Variants in ZDHHC1 observed in about 807,000 individuals in gnomAD.
The protein encoded by ZDHHC1 is palmitoyltransferase ZDHHC1.
Under a neutral mutation model 46.9 loss-of-function variants are expected in ZDHHC1, and 45 were observed. The ratio of observed to expected loss-of-function variants is 0.96; its 90% CI spans 0.76 to 1.23. ZDHHC1 has a LOEUF of 1.23. Among genes scored for constraint, ZDHHC1 ranks in the 50% most tolerant of loss-of-function variants. The pLI, the probability that ZDHHC1 is intolerant of heterozygous loss-of-function variation, is 0.00. For synonymous variants in ZDHHC1, 291 were observed against 286.0 expected (o/e 1.02, Z -0.18); for missense variants, 649 against 670.8 (o/e 0.97, Z 0.36).
At chr16:67,399,551 C>A in intron 4 of ZDHHC1, 95 bp from the exon 5 acceptor site, 2 of 1,032,156 alleles carry the variant, frequency 1.9e-6, no homozygotes, top group South Asian at 1.6e-5. Flanking sequence ...GTGGAGGGAC[C>A]AAGCGCCAGG....
chr16:67,412,831 A>G (rs550103672), intron 1 of ZDHHC1, among the ~76,000 whole-genome samples: 28 of 148,910 alleles, frequency 1.9e-4, no homozygotes, highest in African/African-American at 6.7e-4. Context: ...ACGGAGTTTC[A>G]CTCTTGTTGC....
intron 1 of ZDHHC1, among the ~76,000 whole-genome samples, chr16:67,412,389 C>T (rs1469931246): frequency 6.6e-6 from 1 of 152,142 alleles, no homozygotes; most frequent in East Asian, 1.9e-4. Flanking sequence ...TCCTGCCTTC[C>T]TGGCCCCACT....
chr16:67,398,937 G>C lies in ZDHHC1; in HGVS notation c.538C>G (p.Leu180Val). The change falls in exon 6 of 12, where the codon CTA becomes GTA. Residue 180 changes from leucine to valine, a missense_variant. Coordinates refer to ENST00000565726, the MANE Select transcript of ZDHHC1 (RefSeq NM_001323627.2). ...AGTAAAGCGGATGCAACACTGTGTA[G>C]AAAGAGCCTGGGCCCAGCCATGGGT... ...CVGERNYRLF[L>V]HSVASALLGV... is the part of the protein sequence containing the mutation. 6.2e-7 allele frequency: 1 copy of C among 1,612,806 alleles called. No homozygotes were observed. The highest frequency in any genetic ancestry group is 8.5e-7 in the Non-Finnish European group (1 of 1,179,564).
rs571642362 is a variant in ZDHHC1 at position 67,401,123 on chromosome 16, C to T, written c.262G>A (p.Ala88Thr). ...WVPAGYACMG[A>T]IFAGHLVVHL... ...ACCACAAGGTGGCCAGCAAAGATGG[C>T]GCCCATGCACTGGCCCAGCAGGTTA... Residue 88 changes from alanine (A) to threonine (T), a missense_variant, in exon 4 of 12, where the codon GCC becomes ACC. Ala to Thr is a moderately conservative substitution (Grantham distance 58). Transcript: ENST00000565726. The surrounding 1 kb of genome is among the most constrained non-coding windows in gnomAD (Gnocchi z 4.6). 2.2e-5 allele frequency: 35 copies of T among 1,613,698 alleles called. No individual in the cohort carries two copies. Among genetic ancestry groups the T allele is most frequent in the Middle Eastern group, 1.7e-4 (1 of 5,958 alleles).
chr16:67,400,018 G>A (rs977000920), intron 4 of ZDHHC1, among the ~76,000 whole-genome samples: 3 of 152,030 alleles, frequency 2.0e-5, no homozygotes, highest in Non-Finnish European at 4.4e-5. Flanking sequence ...AGGGGCTCAG[G>A]GGAAGTCTCC....
At chr16:67,404,330 TCAC>T (rs1360855113) in intron 3 of ZDHHC1, 1 of 196,928 alleles carries the variant, frequency 5.1e-6, no homozygotes, top group African/African-American at 2.3e-5. Flanking sequence ...TGTGGCGTGA[TCAC>T]CACGTGGCGT....
At chr16:67,411,372 A>C (rs1355908268) in intron 1 of ZDHHC1, among the ~76,000 whole-genome samples, 1 of 152,160 alleles carries the variant, frequency 6.6e-6, no homozygotes, top group Non-Finnish European at 1.5e-5. Context: ...CGCAGGTGGG[A>C]TCAAAGGAAG....
Position 67,416,172 on chromosome 16 carries a change from T to A in ZDHHC1, c.-40A>T, listed in dbSNP as rs1197307006. 1 of 152,358 alleles carries A rather than the reference T, an allele frequency of 6.6e-6. No homozygotes were observed. The highest frequency in any genetic ancestry group is 1.5e-5 in the Non-Finnish European group (1 of 68,164). 9.4% of individuals were successfully genotyped at this position (152,358 alleles called of 1,614,324 possible). On this transcript the variant is annotated splice_region_variant and 5_prime_UTR_variant, in exon 1 of 12. Transcript: ENST00000565726. The stretch of plus-strand genomic sequence containing the variant: ...AGAAACCGGGCGGGGACTCCTCACC[T>A]GCGCGCCGCGGAGGCCGTGCCAGAT...
chr16:67,399,514 GCC>G, intron 4 of ZDHHC1, 58 bp from the exon 5 acceptor site: 1 of 1,474,050 alleles, frequency 6.8e-7, no homozygotes, highest in Admixed American at 1.8e-5. Context: ...CTGCGGCCCG[GCC>G]GGTCGGGGTG....
intron 1 of ZDHHC1, 57 bp downstream of exon 1, chr16:67,416,114 G>C (rs2040830464): frequency 1.3e-5 from 2 of 152,256 alleles, no homozygotes; most frequent in Admixed American, 1.3e-4. Context: ...GGCAGCATCC[G>C]CTACCCCGTG....
At chr16:67,408,470 C>A (rs573719651) in intron 1 of ZDHHC1, among the ~76,000 whole-genome samples, 18 of 151,062 alleles carry the variant, frequency 1.2e-4, no homozygotes, top group African/African-American at 4.4e-4. Flanking sequence ...CCACCGTGCC[C>A]GGCCTTGCTT....
At chr16:67,413,497 T>G (rs2040783504) in intron 1 of ZDHHC1, among the ~76,000 whole-genome samples, 1 of 152,218 alleles carries the variant, frequency 6.6e-6, no homozygotes, top group African/African-American at 2.4e-5. Context: ...CTTAAAATTC[T>G]GAGAAGCAGC....
At chr16:67,402,516 G>C (rs1466725287) in intron 3 of ZDHHC1, among the ~76,000 whole-genome samples, 2 of 152,176 alleles carry the variant, frequency 1.3e-5, no homozygotes, top group Non-Finnish European at 2.9e-5. Context: ...TCACCCCCAG[G>C]GTCATTCATT....
At chr16:67,398,977 C>G (rs375952924) in intron 5 of ZDHHC1, 33 bp from the exon 6 acceptor site, 1 of 1,605,144 alleles carries the variant, frequency 6.2e-7, no homozygotes, top group Admixed American at 1.7e-5. Flanking sequence ...GTCAGCTCCC[C>G]GGAGCTCCAG....
intron 3 of ZDHHC1, chr16:67,404,518 A>G (rs768992867): frequency 6.0e-6 from 2 of 335,360 alleles, no homozygotes; most frequent in Admixed American, 7.5e-5. Context: ...AAGGAAGGAG[A>G]GCATATAGGC....
chr16:67,399,095 A>T (rs2040494249), intron 5 of ZDHHC1, 151 bp from the exon 6 acceptor site: 1 of 1,199,270 alleles, frequency 8.3e-7, no homozygotes, highest in Non-Finnish European at 1.1e-6. Context: ...GCATACGGCA[A>T]AACTGAAGAT....
intron 8 of ZDHHC1, among the ~76,000 whole-genome samples, chr16:67,397,926 C>G (rs2040462994): frequency 1.3e-5 from 2 of 152,238 alleles, no homozygotes; most frequent in Non-Finnish European, 2.9e-5. Context: ...CCTCTCTCTC[C>G]TGCTGCAGCC....
chr16:67,395,157 G>C, intron 10 of ZDHHC1, 30 bp downstream of exon 10: 2 of 1,613,056 alleles, frequency 1.2e-6, no homozygotes, highest in Non-Finnish European at 1.7e-6. Context: ...CACTCCACCT[G>C]GACCGGAGGC....
In ZDHHC1 at chr16:67,401,039, C is replaced by T. The variant is rs780565489; in HGVS notation, c.346G>A (p.Ala116Thr). 3 of 1,614,158 alleles carry T rather than the reference C, an allele frequency of 1.9e-6. No homozygotes were observed. Among genetic ancestry groups the T allele is most frequent in the Non-Finnish European group, 2.5e-6 (3 of 1,180,036 alleles). The change falls in exon 4 of 12, where the codon GCG becomes ACG. Residue 116 changes from alanine (A) to threonine (T), a missense_variant. Ala to Thr is a moderately conservative substitution (Grantham distance 58). Coordinates refer to ENST00000565726, the MANE Select transcript of ZDHHC1 (RefSeq NM_001323627.2). The surrounding 1 kb of genome is among the most constrained non-coding windows in gnomAD (Gnocchi z 4.6). ...ADANVRDKSY[A>T]GPLPIFNRSQ... is the part of the protein sequence containing the mutation. Reference sequence around the variant, plus strand: ...CGGTTGAAGATGGGCAGGGGCCCCGCATAGCTCTTGTCCCGCACGTTGGCA... The same window carrying T: ...CGGTTGAAGATGGGCAGGGGCCCCGTATAGCTCTTGTCCCGCACGTTGGCA...
Sources: allele counts gnomAD v4.1 joint callset (sites outside exome capture counted in the v4.1 genomes callset), GRCh38; gene constraint gnomAD v4.1.1; non-coding constraint Gnocchi (gnomAD v3.1); transcripts MANE v1.5; gene names NCBI Gene and HGNC (gene_info 2026-07-23, HGNC 2026-07-21).